COL2A1: variants seen among roughly 807,000 people sequenced by gnomAD.
COL2A1 encodes the protein collagen alpha-1(II) chain.
Under a neutral mutation model 204.5 loss-of-function variants are expected in COL2A1, and 28 were observed. The observed-to-expected ratio is 0.14, with a 90% confidence interval of 0.10 to 0.19. The LOEUF is 0.19. Among genes scored for constraint, COL2A1 ranks in the 10% least tolerant of loss-of-function variants. COL2A1 has a pLI of 1.00. For missense variants in COL2A1, 1,388 were observed against 2,027.5 expected, an observed-to-expected ratio of 0.68 and a Z score of 6.06; for synonymous variants, 708 against 718.7, an observed-to-expected ratio of 0.99 and a Z score of 0.24.
At chr12:48,000,388 TG>T (rs2136638651) in intron 1 of COL2A1, among the ~76,000 whole-genome samples, 1 of 152,082 alleles carries the variant, frequency 6.6e-6, no homozygotes, top group East Asian at 1.9e-4. Context: ...GCAATGAAGG[TG>T]GGGGGTTACT....
chr12:47,978,146 TGCAAGTGGTAA>T lies in COL2A1; in HGVS notation c.3004-40_3004-30del, dbSNP rs771337093. 2 of 1,603,400 alleles carry T rather than the reference TGCAAGTGGTAA, an allele frequency of 1.2e-6. 1 individual carries two copies. The highest frequency in any genetic ancestry group is 3.4e-5 in the Admixed American group (2 of 59,004). On this transcript the variant is annotated intron_variant, in intron 43 of 53. Transcript: ENST00000380518. The surrounding 1 kb of genome is among the most constrained non-coding windows in gnomAD (Gnocchi z 5.5). Reference sequence around the variant, plus strand: ...GAGGGACAGAGACAAGGATGATGAGTGCAAGTGGTAAGCACCCCTGCCCAGGGCCCACTGAC... The same window carrying T: ...GAGGGACAGAGACAAGGATGATGAGTGCACCCCTGCCCAGGGCCCACTGAC...
At chr12:47,996,426 A>G (rs1939964803) in intron 8 of COL2A1, 122 bp downstream of exon 8, 1 of 877,974 alleles carries the variant, frequency 1.1e-6, no homozygotes, top group Non-Finnish European at 1.9e-6. Context: ...GGGAGGTTAC[A>G]TAACTACGGA....
At position 47,974,106 on chromosome 12, in the gene COL2A1, G is replaced by A; in HGVS notation, c.4300C>T (p.Leu1434=). ...EGNSRFTYTA[L]KDGCTKHTGK... ...CCACTCACCGTGCAGCCATCCTTCA[G>A]GGCAGTGTACGTGAACCTGCTATTG... Residue 1434 remains leucine (L), a synonymous_variant, in exon 53 of 54, where the codon CTG becomes TTG. Coordinates refer to ENST00000380518, the MANE Select transcript of COL2A1 (RefSeq NM_001844.5). 6.8e-6 allele frequency: 11 copies of A among 1,614,190 alleles called. No individual in the cohort carries two copies. Among genetic ancestry groups the A allele is most frequent in the Non-Finnish European group, 9.3e-6 (11 of 1,180,034 alleles).
chr12:47,981,175 C>G (rs979332495), intron 37 of COL2A1, among the ~76,000 whole-genome samples, 168 bp downstream of exon 37: 6 of 152,212 alleles, frequency 3.9e-5, no homozygotes, highest in African/African-American at 9.6e-5. Context: ...GTGCCTTCCC[C>G]CTTCCCTTCC....
chr12:47,974,941 A>T, intron 51 of COL2A1, 79 bp from the exon 52 acceptor site: 2 of 1,441,926 alleles, frequency 1.4e-6, no homozygotes, highest in Non-Finnish European at 1.9e-6. Context: ...GGCCTGACTG[A>T]AAGAGACAGA....
In COL2A1 at chr12:47,984,146, C is replaced by T. The variant is rs543616244; in HGVS notation, c.1888-6G>A. The T allele has an allele frequency of 6.2e-7, 1 of 1,613,396 alleles. No homozygotes were observed. Among genetic ancestry groups the T allele is most frequent in the East Asian group, 2.2e-5 (1 of 44,874 alleles). ...CCATCTTTGCCAGGAAGACCCTAGA[C>T]AGAAGAGAAAAAGAAAAGTCAATGA... On this transcript the variant is annotated splice_polypyrimidine_tract_variant and splice_region_variant and intron_variant, in intron 28 of 53. Transcript: ENST00000380518.
chr12:47,974,302 G>A lies in COL2A1; in HGVS notation c.4104C>T (p.Pro1368=), dbSNP rs12721379. ...HFSYGDDNLA[P]NTANVQMTFL... ...AGGTCATCTGGACGTTGGCAGTGTT[G>A]GGAGCCAGATTGTCATCTCCATAGC... is the stretch of plus-strand genomic sequence containing the variant. The change falls in exon 53 of 54, where the codon CCC becomes CCT. Residue 1368 remains proline (P), a synonymous_variant. Transcript: ENST00000380518. The A allele has an allele frequency of 7.5e-3, 12,098 of 1,614,108 alleles. 69 individuals are homozygous for A. Among genetic ancestry groups the A allele is most frequent in the Non-Finnish European group, 9.2e-3 (10,862 of 1,180,038 alleles).
At chr12:47,995,358 C>T (rs1939905201) in intron 10 of COL2A1, 50 bp from the exon 11 acceptor site, 1 of 1,476,554 alleles carries the variant, frequency 6.8e-7, no homozygotes, top group African/African-American at 1.4e-5. Context: ...GGGAAGACAC[C>T]TAAGCAATGG....
chr12:47,981,402 G>A lies in COL2A1; in HGVS notation c.2410-6C>T. ...CCAGGAGGTCCAACTTCTCCCTGAG[G>A]GTGGGGAAGGGAGGAAGAGCTGGGG... On this transcript the variant is annotated splice_region_variant and splice_polypyrimidine_tract_variant and intron_variant, in intron 36 of 53. Transcript: ENST00000380518. 1 of 1,609,790 alleles carries A rather than the reference G, an allele frequency of 6.2e-7. No individual in the cohort carries two copies. Among genetic ancestry groups the A allele is most frequent in the Non-Finnish European group, 8.5e-7 (1 of 1,178,570 alleles).
Position 47,981,340 on chromosome 12 carries a change from C to T in COL2A1, c.2463+3G>A. 1 of 1,612,632 alleles carries T rather than the reference C, an allele frequency of 6.2e-7. No homozygotes were observed. The highest frequency in any genetic ancestry group is 8.5e-7 in the Non-Finnish European group (1 of 1,179,800). ...AGCCAGGCTCAGAGGGGCAGACACT[C>T]ACCGGAGCGCCACGAGCACCAGCAC... On this transcript the variant is annotated splice_donor_region_variant and intron_variant, in intron 37 of 53. Transcript: ENST00000380518.
In COL2A1 at chr12:47,980,544, C is replaced by T. The variant is rs777264495; in HGVS notation, c.2625+10G>A. 3.8e-6 allele frequency: 6 copies of T among 1,594,168 alleles called. No individual in the cohort carries two copies. The Admixed American group carries it at 5.2e-5, about 14-fold the overall frequency. ...TGAGGGAACAATTCTTGGAGTGCAG[C>T]GTTACCCACCTGAGGCCCAGGTGCT... On this transcript the variant is annotated intron_variant, in intron 39 of 53. Coordinates refer to ENST00000380518, the MANE Select transcript of COL2A1 (RefSeq NM_001844.5). The surrounding 1 kb of genome is among the most constrained non-coding windows in gnomAD (Gnocchi z 4.5).
intron 35 of COL2A1, 108 bp from the exon 36 acceptor site, chr12:47,981,937 C>T (rs1939116036): frequency 1.5e-6 from 2 of 1,322,512 alleles, no homozygotes; most frequent in South Asian, 2.4e-5. Flanking sequence ...TCCAGAGCTC[C>T]CACTTACCCT....
chr12:47,984,508 C>A, intron 28 of COL2A1, 38 bp downstream of exon 28: 2 of 1,611,078 alleles, frequency 1.2e-6, no homozygotes, highest in Middle Eastern at 1.7e-4. Flanking sequence ...AGATGCCCGG[C>A]CAACACCAAG....
At position 47,982,270 on chromosome 12, in the gene COL2A1, G is replaced by T. The variant is rs965172309; in HGVS notation, c.2302-110C>A. 1.2e-5 allele frequency: 12 copies of T among 1,016,692 alleles called. No individual in the cohort carries two copies. The Admixed American group carries it at 2.1e-4, about 18-fold the overall frequency. 63.0% of individuals were successfully genotyped at this position (1,016,692 alleles called of 1,614,324 possible). ...GGGAAAGCCCAGTCCCTGCCCAAGA[G>T]GAATTTGCTGTGGTCTCAGGGTGGG... On this transcript the variant is annotated intron_variant, in intron 34 of 53. Coordinates refer to ENST00000380518, the MANE Select transcript of COL2A1 (RefSeq NM_001844.5).
At chr12:48,004,012 T>TA in intron 1 of COL2A1, 1 of 567,656 alleles carries the variant, frequency 1.8e-6, no homozygotes, top group Non-Finnish European at 3.2e-6. Flanking sequence ...GACCTGCAAA[T>TA]ACTTGCAACT....
In COL2A1 at chr12:47,978,840, CAGCAG is replaced by C; in HGVS notation, c.2734-87_2734-83del. ...GCCAAAGTCACTGTGGCCTCAGTGA[CAGCAG>C]TTTCCTCTCTGGGGGCTTCTCTACC... On this transcript the variant is annotated intron_variant, in intron 41 of 53. Coordinates refer to ENST00000380518, the MANE Select transcript of COL2A1 (RefSeq NM_001844.5). The surrounding 1 kb of genome is among the most constrained non-coding windows in gnomAD (Gnocchi z 5.5). 2 of 1,466,174 alleles carry C rather than the reference CAGCAG, an allele frequency of 1.4e-6. No individual in the cohort carries two copies. Among genetic ancestry groups the C allele is most frequent in the Non-Finnish European group, 1.9e-6 (2 of 1,053,262 alleles). The allele number at this position is 1,466,174 out of a possible 1,614,324, so 90.8% of individuals were successfully genotyped here. A position where few individuals can be genotyped will look rare whatever the true frequency, so the allele number is the denominator to read the frequency against.
At chr12:47,994,553 C>G (rs997641812) in intron 11 of COL2A1, 76 bp from the exon 12 acceptor site, 1 of 1,480,854 alleles carries the variant, frequency 6.8e-7, no homozygotes. Flanking sequence ...GAGGGCTTCC[C>G]TCCTTCCAGC....
In COL2A1 at chr12:47,976,160, C is replaced by G. The variant is rs560214659; in HGVS notation, c.3490-90G>C. On this transcript the variant is annotated intron_variant, in intron 49 of 53. Transcript: ENST00000380518. The surrounding 1 kb of genome is among the most constrained non-coding windows in gnomAD (Gnocchi z 4.3). ...GCTGGGTAGGTGGCTGTCCTGATAG[C>G]ACCAGCCACTCCGCCCCCAGTTCTT... 4 of 890,110 alleles carry G rather than the reference C, an allele frequency of 4.5e-6. No individual in the cohort carries two copies. The highest frequency in any genetic ancestry group is 7.6e-6 in the Non-Finnish European group (4 of 523,138). 55.1% of individuals were successfully genotyped at this position (890,110 alleles called of 1,614,324 possible).
intron 2 of COL2A1, 158 bp from the exon 3 acceptor site, chr12:47,998,589 G>A: frequency 1.1e-5 from 8 of 735,314 alleles, no homozygotes; most frequent in South Asian, 1.1e-4. Flanking sequence ...CTCTGTTGGG[G>A]TGTTAGGGCC....
Sources: allele counts gnomAD v4.1 joint callset (sites outside exome capture counted in the v4.1 genomes callset), GRCh38; gene constraint gnomAD v4.1.1; non-coding constraint Gnocchi (gnomAD v3.1); transcripts MANE v1.5; gene names NCBI Gene and HGNC (gene_info 2026-07-23, HGNC 2026-07-21).